The following CTNNA2 variants were observed in gnomAD, a reference collection of about 807,000 sequenced individuals.
The protein encoded by CTNNA2 is catenin alpha-2.
CTNNA2 carries 42 observed loss-of-function variants against 101.0 expected under a neutral mutation model. The observed-to-expected ratio is 0.42, with a 90% CI of 0.32 to 0.54. The LOEUF is 0.54. Ranked by LOEUF, CTNNA2 falls within the 20% of genes least tolerant of loss-of-function variation. CTNNA2 has a pLI of 0.14. For synonymous variants in CTNNA2, 450 were observed against 456.4 expected, an observed-to-expected ratio of 0.99 and a Z score of 0.18; for missense variants, 871 against 1,223.1, an observed-to-expected ratio of 0.71 and a Z score of 4.29.
chr2:79,195,780 A>G (rs925978951), intron 1 of CTNNA2: 11 of 507,030 alleles, frequency 2.2e-5, no homozygotes, highest in African/African-American at 9.7e-5. Flanking sequence ...TTATCATCTC[A>G]GAATCCTCCT....
chr2:80,268,232 C>A (rs1443491941), intron 7 of CTNNA2, among the ~76,000 whole-genome samples: 3 of 152,210 alleles, frequency 2.0e-5, no homozygotes, highest in Admixed American at 6.5e-5. Context: ...AAAATTATAA[C>A]CCGAGAATAG....
chr2:79,519,102 G>A (rs945879118), intron 1 of CTNNA2, among the ~76,000 whole-genome samples: 4 of 151,690 alleles, frequency 2.6e-5, no homozygotes, highest in South Asian at 2.1e-4. Context: ...GGTGACGGGC[G>A]ACTGTAATCC....
At position 79,540,831 on chromosome 2, in the gene CTNNA2, ACTTTG is replaced by A. The variant is rs1673362673; in HGVS notation, c.-6+27625_-6+27629del. On this transcript the variant is annotated intron_variant, in intron 1 of 18. Coordinates refer to ENST00000402739, the MANE Select transcript of CTNNA2 (RefSeq NM_001282597.3). Reference sequence around the variant, plus strand: ...TTCAGTGATTTGTTTATTTCTGAGTACTTTGAAGTGTTGATAACTTTTCCTACTTA... The same window carrying A: ...TTCAGTGATTTGTTTATTTCTGAGTAAAGTGTTGATAACTTTTCCTACTTA... Among the ~76,000 whole-genome samples the A allele has an allele frequency of 3.3e-5, 5 of 152,192 alleles. 1 individual carries two copies. The South Asian group carries it at 1.0e-3, about 32-fold the overall frequency.
chr2:80,369,892 G>C (rs1391885137), intron 7 of CTNNA2, among the ~76,000 whole-genome samples: 1 of 152,158 alleles, frequency 6.6e-6, no homozygotes, highest in Non-Finnish European at 1.5e-5. Context: ...AGCACCTCCA[G>C]AAAGGAGTGT....
intron 3 of CTNNA2, among the ~76,000 whole-genome samples, chr2:79,331,809 C>CA (rs1373776174): frequency 3.3e-5 from 5 of 151,626 alleles, no homozygotes; most frequent in Admixed American, 1.3e-4. Flanking sequence ...AAGGATTCAG[C>CA]AAAAAGGGGG....
intron 7 of CTNNA2, among the ~76,000 whole-genome samples, chr2:80,107,314 T>C (rs2148854011): frequency 6.6e-6 from 1 of 152,080 alleles, no homozygotes; most frequent in East Asian, 1.9e-4. Flanking sequence ...GTAGACTCAG[T>C]CAGTAGAGAG....
At chr2:79,944,345 T>C (rs1365200735) in intron 7 of CTNNA2, among the ~76,000 whole-genome samples, 1 of 152,260 alleles carries the variant, frequency 6.6e-6, no homozygotes, top group Non-Finnish European at 1.5e-5. Context: ...CTAGGAGCTA[T>C]ATACTTTATT....
chr2:79,835,592 G>C (rs1362559316), intron 3 of CTNNA2, among the ~76,000 whole-genome samples: 1 of 149,854 alleles, frequency 6.7e-6, no homozygotes, highest in Non-Finnish European at 1.5e-5. Context: ...GTGTGTCCTT[G>C]AGAGAGTGAG....
At chr2:80,371,503 TACAC>T (rs55947840) in intron 7 of CTNNA2, among the ~76,000 whole-genome samples, 5 of 148,270 alleles carry the variant, frequency 3.4e-5, no homozygotes, top group African/African-American at 1.2e-4. Flanking sequence ...GTGCAGTGCA[TACAC>T]ACACACACAC....
intron 9 of CTNNA2, among the ~76,000 whole-genome samples, chr2:80,448,789 TC>T (rs1431620917): frequency 2.6e-5 from 4 of 152,168 alleles, no homozygotes; most frequent in Non-Finnish European, 5.9e-5. Flanking sequence ...AGCAGGGTCT[TC>T]AGAAAACCTG....
In CTNNA2 at chr2:79,691,166, T is replaced by C. The variant is rs116504770; in HGVS notation, c.102+39508T>C. Among the ~76,000 whole-genome samples the C allele has an allele frequency of 7.2e-3, 1,093 of 152,096 alleles. 15 individuals are homozygous for C. The highest frequency in any genetic ancestry group is 0.024 in the African/African-American group (992 of 41,526). On this transcript the variant is annotated intron_variant, in intron 2 of 18. Transcript: ENST00000402739. ...GTGAAATATAGAAAGAACTGAAATA[T>C]ATGACAGAGCATAAAAAAGTGTGGT... is the stretch of plus-strand genomic sequence containing the variant.
chr2:80,641,522 C>T (rs1673482429), intron 18 of CTNNA2, among the ~76,000 whole-genome samples: 1 of 152,120 alleles, frequency 6.6e-6, no homozygotes, highest in Non-Finnish European at 1.5e-5. Flanking sequence ...AAGACATTTA[C>T]TATGTCATGT....
At chr2:79,753,874 T>C (rs1215842328) in intron 3 of CTNNA2, among the ~76,000 whole-genome samples, 2 of 149,574 alleles carry the variant, frequency 1.3e-5, no homozygotes, top group Non-Finnish European at 3.0e-5. Flanking sequence ...TCTCTTTTTT[T>C]TTTTTTTTTT....
At chr2:79,818,821 TTA>T (rs372924495) in intron 3 of CTNNA2, among the ~76,000 whole-genome samples, 6,663 of 74,170 alleles carry the variant, frequency 0.09, 406 homozygotes, top group Non-Finnish European at 0.11. Flanking sequence ...CAAAATGCAA[TTA>T]TATATATATA....
chr2:79,580,200 A>G (rs1414427561), intron 1 of CTNNA2, among the ~76,000 whole-genome samples: 1 of 152,120 alleles, frequency 6.6e-6, no homozygotes, highest in African/African-American at 2.4e-5. Context: ...GTCCTGTATT[A>G]TCTGGGTGGG....
At chr2:80,240,701 T>C (rs1378087078) in intron 7 of CTNNA2, among the ~76,000 whole-genome samples, 1 of 152,170 alleles carries the variant, frequency 6.6e-6, no homozygotes, top group Non-Finnish European at 1.5e-5. Context: ...GTGTAATTTA[T>C]AGGTATAGAG....
Position 80,327,873 on chromosome 2 carries a change from G to A in CTNNA2, c.1057-65338G>A, listed in dbSNP as rs76883481. On this transcript the variant is annotated intron_variant, in intron 7 of 18. Transcript: ENST00000402739. Reference sequence around the variant, plus strand: ...TCAACTTTGTGATAATCATGTATCCGTTTGCTCAGTGTGGGAAACCATCTG... The same window carrying A: ...TCAACTTTGTGATAATCATGTATCCATTTGCTCAGTGTGGGAAACCATCTG... 7.2e-5 allele frequency among the ~76,000 whole-genome samples: 11 copies of A among 152,218 alleles called. No homozygotes were observed. In the South Asian group the frequency reaches 1.5e-3, roughly 20 times the overall value.
intron 7 of CTNNA2, among the ~76,000 whole-genome samples, chr2:80,074,993 T>C (rs1275511569): frequency 6.6e-6 from 1 of 152,162 alleles, no homozygotes; most frequent in African/African-American, 2.4e-5. Flanking sequence ...TACATGAACA[T>C]TTGACCTTGA....
chr2:79,845,948 A>G (rs1416335872), intron 3 of CTNNA2, among the ~76,000 whole-genome samples: 4 of 151,978 alleles, frequency 2.6e-5, no homozygotes, highest in Non-Finnish European at 5.9e-5. Context: ...TTGTGGCTAT[A>G]ATCGCATTTA....
Sources: gnomAD v4.1 joint callset for allele counts (sites outside exome capture counted in the v4.1 genomes callset) on GRCh38, gnomAD v4.1.1 for gene constraint, MANE v1.5 for transcripts, NCBI Gene and HGNC (gene_info 2026-07-23, HGNC 2026-07-21) for gene names.